GALNT1: variants seen among roughly 807,000 people sequenced by gnomAD.
GALNT1 encodes polypeptide N-acetylgalactosaminyltransferase 1.
Under a neutral mutation model 65.7 loss-of-function variants are expected in GALNT1, and 17 were observed. The observed-to-expected ratio is 0.26, with a 90% CI of 0.18 to 0.39. GALNT1 has a LOEUF of 0.39. Ranked by LOEUF, GALNT1 falls within the 10% of genes least tolerant of loss-of-function variation. GALNT1 has a pLI of 1.00. For synonymous variants in GALNT1, 210 were observed against 219.7 expected (o/e 0.96, Z 0.39); for missense variants, 460 against 672.8 (o/e 0.68, Z 3.50).
At chr18:35,635,719 C>G (rs1034582892) in intron 1 of GALNT1, among the ~76,000 whole-genome samples, 2 of 151,680 alleles carry the variant, frequency 1.3e-5, no homozygotes, top group Admixed American at 1.3e-4. Flanking sequence ...TTTTGTTTCT[C>G]TGAGAAGTTT....
At chr18:35,640,097 C>A (rs1330291108) in intron 1 of GALNT1, among the ~76,000 whole-genome samples, 2 of 152,178 alleles carry the variant, frequency 1.3e-5, no homozygotes, top group Non-Finnish European at 2.9e-5. Context: ...CATGTCCAGC[C>A]TTAACTACTA....
intron 1 of GALNT1, among the ~76,000 whole-genome samples, chr18:35,645,943 T>C (rs1297442342): frequency 6.6e-6 from 1 of 152,242 alleles, no homozygotes; most frequent in Admixed American, 6.5e-5. Context: ...GAAGTTATTA[T>C]CTCATATTTT....
chr18:35,633,025 A>C (rs1461413938), intron 1 of GALNT1, among the ~76,000 whole-genome samples: 1 of 152,240 alleles, frequency 6.6e-6, no homozygotes, highest in Non-Finnish European at 1.5e-5. Flanking sequence ...AATGGTGATC[A>C]TTAAAAAGTC....
intron 1 of GALNT1, among the ~76,000 whole-genome samples, chr18:35,633,117 A>C (rs2047039050): frequency 6.6e-6 from 1 of 152,220 alleles, no homozygotes; most frequent in Non-Finnish European, 1.5e-5. Flanking sequence ...TGGTTCAACC[A>C]TTGTGGAAGA....
chr18:35,634,707 C>G (rs974915309), intron 1 of GALNT1, among the ~76,000 whole-genome samples: 1 of 152,064 alleles, frequency 6.6e-6, no homozygotes, highest in African/African-American at 2.4e-5. Context: ...TCCAGATTCC[C>G]GGAAGGAAAG....
At chr18:35,668,224 C>T (rs1350928586) in intron 3 of GALNT1, among the ~76,000 whole-genome samples, 1 of 151,816 alleles carries the variant, frequency 6.6e-6, no homozygotes, top group African/African-American at 2.4e-5. Context: ...TAAAAACGTA[C>T]AGTAGAGGAA....
At chr18:35,581,263 TCGGGG>T (rs2046308120), upstream of GALNT1, 1 of 151,454 alleles carries the variant, frequency 6.6e-6, no homozygotes, top group Non-Finnish European at 1.5e-5. Flanking sequence ...CGACCCAGGG[TCGGGG>T]GCACCTCTCG....
rs75824970 is a variant in GALNT1 at position 35,688,844 on chromosome 18, T to G, written c.861-329T>G. Among the ~76,000 whole-genome samples the G allele has an allele frequency of 1.6e-3, 242 of 152,180 alleles. 2 individuals carry two copies. The highest frequency in any genetic ancestry group is 5.5e-3 in the African/African-American group (230 of 41,502). The stretch of plus-strand genomic sequence containing the variant: ...GAGGATTGTGAGGAACAGCTTTAAT[T>G]TAAGGAGTTTGAGATCTAAACTCAG... On this transcript the variant is annotated intron_variant, in intron 6 of 11. Transcript: ENST00000269195.
At chr18:35,706,732 G>A (rs12967816) in intron 11 of GALNT1, among the ~76,000 whole-genome samples, 1 of 152,142 alleles carries the variant, frequency 6.6e-6, no homozygotes, top group Admixed American at 6.5e-5. Flanking sequence ...TGGGCAGAGG[G>A]AGAAGTTGAG....
intron 1 of GALNT1, among the ~76,000 whole-genome samples, chr18:35,654,165 A>G (rs1016878978): frequency 3.3e-5 from 5 of 152,210 alleles, no homozygotes; most frequent in Non-Finnish European, 4.4e-5. Flanking sequence ...GAAGGTAGTT[A>G]AGACCCAGGT....
intron 2 of GALNT1, among the ~76,000 whole-genome samples, chr18:35,660,546 G>T (rs527821217): frequency 6.6e-6 from 1 of 152,082 alleles, no homozygotes; most frequent in African/African-American, 2.4e-5. Flanking sequence ...TTTATGCAAA[G>T]ATATTTTCTT....
chr18:35,665,168 A>C (rs2047531713), intron 3 of GALNT1, among the ~76,000 whole-genome samples: 1 of 152,244 alleles, frequency 6.6e-6, no homozygotes, highest in Non-Finnish European at 1.5e-5. Flanking sequence ...AACAGAGAAA[A>C]GCAACTTTGA....
In GALNT1 at chr18:35,690,801, A is replaced by G. The variant is rs183204036; in HGVS notation, c.979-211A>G. 5.3e-5 allele frequency among the ~76,000 whole-genome samples: 8 copies of G among 152,296 alleles called. No individual in the cohort carries two copies. The East Asian group carries it at 1.2e-3, about 22-fold the overall frequency. ...GTCAATACTTTTTTAAAAACTATCA[A>G]TGTCATATATGGTCTTTGCTGTTAT... On this transcript the variant is annotated intron_variant, in intron 7 of 11. Transcript: ENST00000269195.
chr18:35,624,960 A>T (rs1449617341), intron 1 of GALNT1, among the ~76,000 whole-genome samples: 1 of 152,204 alleles, frequency 6.6e-6, no homozygotes, highest in Non-Finnish European at 1.5e-5. Flanking sequence ...AGTTCCTGTC[A>T]TTTTGGAGCT....
chr18:35,632,351 G>C (rs1270550540), intron 1 of GALNT1, among the ~76,000 whole-genome samples: 3 of 151,966 alleles, frequency 2.0e-5, no homozygotes, highest in Non-Finnish European at 2.9e-5. Flanking sequence ...CCAAAACAGA[G>C]ATATAGACCA....
chr18:35,652,688 T>G (rs2047326543), intron 1 of GALNT1, among the ~76,000 whole-genome samples: 1 of 152,196 alleles, frequency 6.6e-6, no homozygotes, highest in Admixed American at 6.5e-5. Flanking sequence ...GGGAATCATT[T>G]TTTGCCTCTC....
At chr18:35,637,772 G>C (rs1271585064) in intron 1 of GALNT1, among the ~76,000 whole-genome samples, 2 of 152,198 alleles carry the variant, frequency 1.3e-5, no homozygotes, top group East Asian at 3.8e-4. Flanking sequence ...TAGGTAGAGA[G>C]AAGTCAGTGC....
intron 1 of GALNT1, among the ~76,000 whole-genome samples, chr18:35,592,404 A>G (rs2046456303): frequency 6.6e-6 from 1 of 152,190 alleles, no homozygotes; most frequent in South Asian, 2.1e-4. Flanking sequence ...GAGTATGGGC[A>G]AGAGGATTCT....
In GALNT1 at chr18:35,709,656, G is replaced by A. The variant is rs1278389360; in HGVS notation, c.1566G>A (p.Gln522=). The A allele has an allele frequency of 1.2e-6, 2 of 1,613,972 alleles. No homozygotes were observed. The highest frequency in any genetic ancestry group is 4.5e-5 in the East Asian group (2 of 44,896). Residue 522 remains glutamine, a synonymous_variant, in exon 12 of 12, where the codon CAG becomes CAA. Coordinates refer to ENST00000269195, the MANE Select transcript of GALNT1 (RefSeq NM_020474.4). ...KLTLQHVNSN[Q]CLDKATEEDS... ...CCCTGCAGCATGTGAACAGTAATCAGTGCCTGGATAAAGCCACAGAAGAGG... is the reference window on the plus strand; with the variant it reads ...CCCTGCAGCATGTGAACAGTAATCAATGCCTGGATAAAGCCACAGAAGAGG...
Sources: allele counts gnomAD v4.1 joint callset (sites outside exome capture counted in the v4.1 genomes callset), GRCh38; gene constraint gnomAD v4.1.1; transcripts MANE v1.5; gene names NCBI Gene and HGNC (gene_info 2026-07-23, HGNC 2026-07-21).